CEMIP2: variants seen among roughly 807,000 people sequenced by gnomAD.
CEMIP2 encodes the protein cell migration inducing hyaluronidase 2.
Under a neutral mutation model 146.9 loss-of-function variants are expected in CEMIP2, and 79 were observed. The ratio of observed to expected loss-of-function variants is 0.54; its 90% CI spans 0.45 to 0.65. CEMIP2 has a LOEUF of 0.65. Among genes scored for constraint, CEMIP2 ranks in the 30% least tolerant of loss-of-function variants. The pLI is 0.00. For missense variants in CEMIP2, 1,596 were observed against 1,696.2 expected, an observed-to-expected ratio of 0.94 and a Z score of 1.04; for synonymous variants, 601 against 606.3, an observed-to-expected ratio of 0.99 and a Z score of 0.13.
At chr9:71,751,772 A>G (rs1386343133) in intron 1 of CEMIP2, among the ~76,000 whole-genome samples, 1 of 152,182 alleles carries the variant, frequency 6.6e-6, no homozygotes, top group Admixed American at 6.5e-5. Flanking sequence ...AGTTGCCCTA[A>G]AAGTTCCAAT....
In CEMIP2 at chr9:71,750,172, GCTGTT is replaced by G. The variant is rs778635607; in HGVS notation, c.197_201del (p.Glu66AlafsTer23). The G allele has an allele frequency of 1.9e-6, 3 of 1,614,012 alleles. No individual in the cohort carries two copies. Among genetic ancestry groups the G allele is most frequent in the Non-Finnish European group, 2.5e-6 (3 of 1,180,014 alleles). ...TGCTTTTGACTTTCTCTCTGGGCTT[GCTGTT>G]CTTCAGGTGAGAATGCGAAGGTTGC... On this transcript the variant is annotated frameshift_variant, in exon 2 of 24. Transcript: ENST00000377044. LOFTEE classifies it high-confidence loss of function.
intron 12 of CEMIP2, 127 bp from the exon 13 acceptor site, chr9:71,718,206 C>T (rs964473340): frequency 6.9e-6 from 6 of 875,704 alleles, no homozygotes; most frequent in Non-Finnish European, 9.7e-6. Flanking sequence ...TCTTAAGATA[C>T]AACTTACTTA....
At chr9:71,690,930 A>C (rs926351081) in intron 21 of CEMIP2, among the ~76,000 whole-genome samples, 1 of 152,228 alleles carries the variant, frequency 6.6e-6, no homozygotes, top group Non-Finnish European at 1.5e-5. Context: ...TTAATTTCTC[A>C]GCCAAAAATG....
At chr9:71,732,139 A>G (rs1255956834) in intron 7 of CEMIP2, among the ~76,000 whole-genome samples, 3 of 152,106 alleles carry the variant, frequency 2.0e-5, no homozygotes, top group Admixed American at 6.6e-5. Context: ...TCATGGAACA[A>G]TTCTTAAATG....
intron 5 of CEMIP2, among the ~76,000 whole-genome samples, chr9:71,736,291 C>T (rs1347302432): frequency 6.6e-6 from 1 of 152,148 alleles, no homozygotes; most frequent in Non-Finnish European, 1.5e-5. Flanking sequence ...GGTATTCTCT[C>T]GGTATACTGC....
intron 10 of CEMIP2, among the ~76,000 whole-genome samples, chr9:71,728,736 C>T (rs543312881): frequency 6.6e-6 from 1 of 152,008 alleles, no homozygotes; most frequent in East Asian, 1.9e-4. Context: ...TGCCCCCTGA[C>T]CAGAGTGACA....
At chr9:71,712,401 C>A in intron 15 of CEMIP2, 141 bp from the exon 16 acceptor site, 2 of 707,882 alleles carry the variant, frequency 2.8e-6, no homozygotes, top group Non-Finnish European at 4.7e-6. Flanking sequence ...AAACAAGATA[C>A]CTGATTGAAT....
intron 1 of CEMIP2, among the ~76,000 whole-genome samples, chr9:71,760,890 G>A (rs1007409758): frequency 6.6e-6 from 1 of 152,080 alleles, no homozygotes; most frequent in Non-Finnish European, 1.5e-5. Flanking sequence ...TATTCCCTTC[G>A]GTTTCCTTTT....
chr9:71,691,129 T>G (rs1822213328), intron 21 of CEMIP2, among the ~76,000 whole-genome samples: 1 of 152,226 alleles, frequency 6.6e-6, no homozygotes, highest in Non-Finnish European at 1.5e-5. Flanking sequence ...TCACTGGTAT[T>G]CAAAATGGCA....
At chr9:71,757,670 C>T (rs144618943) in intron 1 of CEMIP2, among the ~76,000 whole-genome samples, 1 of 152,174 alleles carries the variant, frequency 6.6e-6, no homozygotes, top group Non-Finnish European at 1.5e-5. Context: ...ATTCCACATT[C>T]CCAACCTCCT....
chr9:71,747,995 C>T (rs1442757904), intron 2 of CEMIP2, among the ~76,000 whole-genome samples: 1 of 152,110 alleles, frequency 6.6e-6, no homozygotes, highest in Non-Finnish European at 1.5e-5. Context: ...CAAAAAAACT[C>T]TTAAATTTGT....
intron 1 of CEMIP2, among the ~76,000 whole-genome samples, chr9:71,757,726 C>CA (rs1303814012): frequency 1.3e-5 from 2 of 152,124 alleles, no homozygotes; most frequent in Non-Finnish European, 2.9e-5. Flanking sequence ...CAGGGATCAC[C>CA]ATTTAGATCT....
intron 1 of CEMIP2, among the ~76,000 whole-genome samples, chr9:71,760,218 T>C (rs1394521126): frequency 6.6e-6 from 1 of 152,174 alleles, no homozygotes; most frequent in East Asian, 1.9e-4. Flanking sequence ...CTTAACCTGA[T>C]AATAACAAAA....
intron 11 of CEMIP2, among the ~76,000 whole-genome samples, chr9:71,723,792 GGT>G (rs1165742309): frequency 1.3e-5 from 2 of 152,078 alleles, no homozygotes; most frequent in African/African-American, 2.4e-5. Context: ...CACACATGTG[GGT>G]GTGTGCCTGT....
chr9:71,722,401 G>A (rs767312012), intron 12 of CEMIP2, 26 bp downstream of exon 12: 2 of 1,580,544 alleles, frequency 1.3e-6, no homozygotes, highest in Admixed American at 1.8e-5. Context: ...TATAGCTTGA[G>A]TGTGACTTAA....
At chr9:71,767,236 G>T (rs1383321605) in intron 1 of CEMIP2, among the ~76,000 whole-genome samples, 4 of 152,154 alleles carry the variant, frequency 2.6e-5, no homozygotes, top group South Asian at 4.1e-4. Context: ...GATTTGCCTG[G>T]CTGCTCTGGG....
At chr9:71,743,629 T>C (rs1030862524) in intron 4 of CEMIP2, among the ~76,000 whole-genome samples, 1 of 152,162 alleles carries the variant, frequency 6.6e-6, no homozygotes, top group African/African-American at 2.4e-5. Context: ...TTGCACCCTG[T>C]AACTGCAGCA....
intron 18 of CEMIP2, 186 bp downstream of exon 18, chr9:71,704,409 T>A: frequency 3.2e-6 from 2 of 619,002 alleles, no homozygotes; most frequent in South Asian, 2.1e-5. Flanking sequence ...GCTTTTGAAA[T>A]GACAGGATTC....
At chr9:71,703,175 C>A (rs1235806901) in intron 18 of CEMIP2, among the ~76,000 whole-genome samples, 1 of 152,204 alleles carries the variant, frequency 6.6e-6, no homozygotes, top group Non-Finnish European at 1.5e-5. Context: ...CTTGACTTAG[C>A]CACAAACACT....
Sources: gnomAD v4.1 joint callset for allele counts (sites outside exome capture counted in the v4.1 genomes callset) on GRCh38, gnomAD v4.1.1 for gene constraint, MANE v1.5 for transcripts, NCBI Gene and HGNC (gene_info 2026-07-23, HGNC 2026-07-21) for gene names.